Variants in IFT88 observed in about 807,000 individuals in gnomAD.
The protein encoded by IFT88 is intraflagellar transport 88, also known as intraflagellar transport protein 88 homolog.
A neutral mutation model predicts 119.5 loss-of-function variants in IFT88; 74 were observed. The ratio of observed to expected loss-of-function variants is 0.62; its 90% CI spans 0.51 to 0.75. The LOEUF (loss-of-function observed/expected upper bound fraction) is 0.75, where lower values mean the gene tolerates loss of function less well. Ranked by LOEUF, IFT88 falls within the 30% of genes least tolerant of loss-of-function variation. The pLI is 0.00. For missense variants in IFT88, 961 were observed against 977.7 expected (o/e 0.98, Z 0.23); for synonymous variants, 279 against 316.7 (o/e 0.88, Z 1.26).
chr13:20,576,535 T>G (rs889456980), intron 2 of IFT88, among the ~76,000 whole-genome samples: 56 of 152,228 alleles, frequency 3.7e-4, no homozygotes, highest in Non-Finnish European at 1.5e-4. Flanking sequence ...CATTTTTATT[T>G]GATTTTTGCA....
rs115942298 is a variant in IFT88, at chr13:20,690,618, G to C, written c.2243-87G>C. 736 of 842,860 alleles carry C rather than the reference G, an allele frequency of 8.7e-4. 3 individuals carry two copies. The African/African-American group carries it at 0.011, about 13-fold the overall frequency. The allele number at this position is 842,860 out of a possible 1,614,324, so 52.2% of individuals were successfully genotyped here. ...AATTAAACAACCTGCTTGTTTCTTG[G>C]CAAATAAGTATGCTTTAAGATGCAT... is the stretch of plus-strand genomic sequence containing the variant. On this transcript the variant is annotated intron_variant, in intron 24 of 25. Transcript: ENST00000351808.
intron 23 of IFT88, among the ~76,000 whole-genome samples, chr13:20,667,684 C>T (rs9552255): frequency 0.067 from 10,069 of 150,408 alleles, 634 homozygotes; most frequent in East Asian, 0.36. Flanking sequence ...CCTTGTGATC[C>T]GCCCACCTCG....
chr13:20,567,743 G>C (rs2035184182), intron 1 of IFT88: 1 of 1,307,708 alleles, frequency 7.6e-7, no homozygotes, highest in African/African-American at 1.5e-5. Context: ...TGCAGAAAGC[G>C]GTACTTAGCC....
At chr13:20,587,996 C>CT (rs35750861) in intron 3 of IFT88, among the ~76,000 whole-genome samples, 14 of 135,912 alleles carry the variant, frequency 1.0e-4, no homozygotes, top group African/African-American at 1.6e-4. Flanking sequence ...TTACTATTTG[C>CT]TTTTTTTTTT....
chr13:20,650,728 T>TA (rs2051509444), intron 20 of IFT88, among the ~76,000 whole-genome samples: 2 of 152,212 alleles, frequency 1.3e-5, no homozygotes, highest in African/African-American at 4.8e-5. Flanking sequence ...GGAATCCACA[T>TA]AAAAATCTTA....
intron 6 of IFT88, 87 bp from the exon 7 acceptor site, chr13:20,592,248 A>G: frequency 1.1e-6 from 1 of 940,044 alleles, no homozygotes; most frequent in Non-Finnish European, 1.7e-6. Context: ...GGTAAATGAA[A>G]TAGCTTATGC....
intron 25 of IFT88, 114 bp from the exon 26 acceptor site, chr13:20,690,940 G>A (rs2058410055): frequency 7.1e-6 from 10 of 1,413,798 alleles, no homozygotes; most frequent in Middle Eastern, 3.6e-4. Context: ...AAAATGACTT[G>A]GGAGACCATT....
intron 24 of IFT88, among the ~76,000 whole-genome samples, chr13:20,679,559 T>C (rs775626120): frequency 3.9e-5 from 6 of 152,098 alleles, no homozygotes; most frequent in Non-Finnish European, 8.8e-5. Flanking sequence ...AATAGAATGA[T>C]CAGTATTATA....
intron 23 of IFT88, among the ~76,000 whole-genome samples, chr13:20,666,215 G>A (rs1443888438): frequency 1.3e-5 from 2 of 152,194 alleles, no homozygotes; most frequent in African/African-American, 4.8e-5. Context: ...ATTCTTATCA[G>A]CTGTAAAATG....
intron 22 of IFT88, among the ~76,000 whole-genome samples, chr13:20,659,577 A>C (rs1424528262): frequency 1.3e-5 from 2 of 152,114 alleles, no homozygotes; most frequent in African/African-American, 2.4e-5. Flanking sequence ...GTATATGCAA[A>C]TGCAATTTTT....
chr13:20,574,693 G>A (rs1369712982), intron 2 of IFT88, among the ~76,000 whole-genome samples: 1 of 152,168 alleles, frequency 6.6e-6, no homozygotes, highest in Non-Finnish European at 1.5e-5. Context: ...ATGAATTAAG[G>A]TGAATTATAT....
At chr13:20,686,094 G>A (rs1305566189) in intron 24 of IFT88, among the ~76,000 whole-genome samples, 1 of 152,160 alleles carries the variant, frequency 6.6e-6, no homozygotes, top group African/African-American at 2.4e-5. Context: ...CCCCACTGTG[G>A]TGAGATCCCA....
At chr13:20,630,561 T>TATC (rs1361672069) in intron 15 of IFT88, among the ~76,000 whole-genome samples, 3 of 152,132 alleles carry the variant, frequency 2.0e-5, no homozygotes, top group Non-Finnish European at 2.9e-5. Context: ...TCATTATTAT[T>TATC]ATCATCATAT....
intron 14 of IFT88, among the ~76,000 whole-genome samples, chr13:20,625,533 G>A (rs1383050745): frequency 6.6e-6 from 1 of 152,104 alleles, no homozygotes; most frequent in Non-Finnish European, 1.5e-5. Flanking sequence ...AAAATGATTA[G>A]ACATTAAAAT....
intron 11 of IFT88, among the ~76,000 whole-genome samples, chr13:20,601,262 A>T (rs1463285642): frequency 6.6e-6 from 1 of 152,022 alleles, no homozygotes; most frequent in Non-Finnish European, 1.5e-5. Flanking sequence ...GCTATTCAGG[A>T]GGCTGAGGTG....
rs10661539 is a variant in IFT88, at chr13:20,584,156, T to TAAA, written c.153+1147_153+1149dup. Among the ~76,000 whole-genome samples, 856 of 149,260 alleles carry TAAA rather than the reference T, an allele frequency of 5.7e-3. 4 individuals carry two copies. The highest frequency in any genetic ancestry group is 0.016 in the African/African-American group (644 of 40,770). ...ATTTTAGGATGAATCTCTATTTCTGTAAAAAAAAAAAATGTCATTTGGATA... is the reference window on the plus strand; with the variant it reads ...ATTTTAGGATGAATCTCTATTTCTGTAAAAAAAAAAAAAAATGTCATTTGGATA... On this transcript the variant is annotated intron_variant, in intron 3 of 25. Coordinates refer to ENST00000351808, the MANE Select transcript of IFT88 (RefSeq NM_006531.5).
At chr13:20,611,637 C>T (rs1330352321) in intron 13 of IFT88, among the ~76,000 whole-genome samples, 1 of 151,142 alleles carries the variant, frequency 6.6e-6, no homozygotes, top group African/African-American at 2.4e-5. Context: ...TGGAATCTTG[C>T]TCTGTTGCCC....
At chr13:20,580,800 A>T (rs931734095) in intron 2 of IFT88, among the ~76,000 whole-genome samples, 1 of 141,664 alleles carries the variant, frequency 7.1e-6, no homozygotes, top group South Asian at 2.2e-4. Flanking sequence ...ACCTCTGCTC[A>T]TTGTAAGCTC....
intron 9 of IFT88, among the ~76,000 whole-genome samples, chr13:20,597,678 A>G (rs1381807862): frequency 3.3e-5 from 5 of 151,356 alleles, no homozygotes; most frequent in African/African-American, 7.3e-5. Flanking sequence ...CGGGAGGCGG[A>G]GCTTGCGGCG....
Sources: allele counts gnomAD v4.1 joint callset (sites outside exome capture counted in the v4.1 genomes callset), GRCh38; gene constraint gnomAD v4.1.1; transcripts MANE v1.5; gene names NCBI Gene and HGNC (gene_info 2026-07-23, HGNC 2026-07-21).